The following NEDD4 variants were observed in gnomAD, a reference collection of about 807,000 sequenced individuals.
The protein encoded by NEDD4 is NEDD4 E3 ubiquitin protein ligase.
Under a neutral mutation model 144.9 loss-of-function variants are expected in NEDD4, and 99 were observed. That is an observed-to-expected ratio of 0.68 (90% confidence interval 0.58 to 0.81). NEDD4 has a LOEUF of 0.81. Among genes scored for constraint, NEDD4 ranks in the 30% least tolerant of loss-of-function variants. The pLI is 0.00. For missense variants in NEDD4, 985 were observed against 1,065.9 expected (o/e 0.92, Z 1.06); for synonymous variants, 318 against 350.6 (o/e 0.91, Z 1.04).
intron 5 of NEDD4, chr15:55,916,190 TC>T: frequency 6.2e-7 from 1 of 1,613,986 alleles, no homozygotes; most frequent in East Asian, 2.2e-5. Context: ...TTGGCACACT[TC>T]TATTGGAGGT....
intron 27 of NEDD4, among the ~76,000 whole-genome samples, chr15:55,832,331 ACT>A (rs2141957241): frequency 6.6e-6 from 1 of 152,146 alleles, no homozygotes; most frequent in Admixed American, 6.6e-5. Flanking sequence ...TTCAACCATG[ACT>A]CTGTTTTTAT....
Position 55,924,681 on chromosome 15 carries a change from G to T in NEDD4, c.256C>A (p.Arg86=). Residue 86 remains arginine (R), a synonymous_variant, in exon 5 of 29, where the codon CGG becomes AGG. Transcript: ENST00000435532. ...TCGTCAAACACTTCAAAAAGAAGCC[G>T]GTGCTGCTGAGGATGAACCTAAGAA... The part of the protein sequence containing the change: ...ILFRVHPQQH[R]LLFEVFDENR... 2.5e-6 allele frequency: 4 copies of T among 1,609,762 alleles called. No homozygotes were observed. The highest frequency in any genetic ancestry group is 3.4e-6 in the Non-Finnish European group (4 of 1,178,052).
At chr15:55,987,981 TTAAAG>T (rs2037921440) in intron 1 of NEDD4, 1 of 150,340 alleles carries the variant, frequency 6.7e-6, no homozygotes, top group South Asian at 2.1e-4. Flanking sequence ...CATATGAACT[TTAAAG>T]TAGTTTTTTC....
chr15:55,848,237 G>T, intron 17 of NEDD4, 135 bp downstream of exon 17: 1 of 789,610 alleles, frequency 1.3e-6, no homozygotes, highest in South Asian at 1.5e-5. Flanking sequence ...CTTGGAGTAT[G>T]GGAAATGGGG....
At chr15:55,837,643 A>C in intron 24 of NEDD4, 146 bp downstream of exon 24, 1 of 542,612 alleles carries the variant, frequency 1.8e-6, no homozygotes, top group Admixed American at 3.4e-5. Flanking sequence ...TGAATGGAAT[A>C]TTTAGTTAAT....
At chr15:55,888,966 C>T (rs1379875847) in intron 5 of NEDD4, among the ~76,000 whole-genome samples, 1 of 152,170 alleles carries the variant, frequency 6.6e-6, no homozygotes, top group Non-Finnish European at 1.5e-5. Flanking sequence ...GGATTAAACA[C>T]TTACATCTAA....
At chr15:55,850,834 T>C (rs1292187034) in intron 13 of NEDD4, 92 bp from the exon 14 acceptor site, 2 of 1,063,098 alleles carry the variant, frequency 1.9e-6, no homozygotes, top group East Asian at 2.6e-5. Context: ...GCAAATAGAA[T>C]ACACACCCTC....
chr15:55,902,872 G>A (rs1299255372), intron 5 of NEDD4, among the ~76,000 whole-genome samples: 1 of 152,080 alleles, frequency 6.6e-6, no homozygotes. Context: ...ATGGTGGCAG[G>A]TGCCTGTAAT....
At chr15:55,897,709 T>C (rs1226927286) in intron 5 of NEDD4, among the ~76,000 whole-genome samples, 1 of 152,214 alleles carries the variant, frequency 6.6e-6, no homozygotes, top group African/African-American at 2.4e-5. Context: ...TCCCTGCCCA[T>C]GTGTCCTCCT....
chr15:55,933,659 G>A (rs72734319), intron 4 of NEDD4, among the ~76,000 whole-genome samples: 21,818 of 151,612 alleles, frequency 0.14, 1,779 homozygotes, highest in East Asian at 0.32. Flanking sequence ...CGTTGTGTAC[G>A]TGTACCCTAG....
Position 55,993,535 on chromosome 15 carries a change from C to T in NEDD4, c.21G>A (p.Glu7=), listed in dbSNP as rs1374787968. 2 of 1,597,462 alleles carry T rather than the reference C, an allele frequency of 1.3e-6. No individual in the cohort carries two copies. Among genetic ancestry groups the T allele is most frequent in the African/African-American group, 2.7e-5 (2 of 73,036 alleles). The stretch of plus-strand genomic sequence containing the variant: ...CCTCGTCCTCCAGGAGCCCGAACAC[C>T]TCCACCGCGCAAGTTGCCATTTCCG... MATCAV[E]VFGLLEDEEN... is the part of the protein sequence containing the mutation. Residue 7 remains glutamate (E), a synonymous_variant, in exon 1 of 29, where the codon GAG becomes GAA. Coordinates refer to ENST00000435532, the MANE Select transcript of NEDD4 (RefSeq NM_006154.4).
At chr15:55,972,876 AAAGAGACAAAAAAGGTTATTACACAATG>A (rs2037634457) in intron 1 of NEDD4, among the ~76,000 whole-genome samples, 1 of 152,228 alleles carries the variant, frequency 6.6e-6, no homozygotes, top group Non-Finnish European at 1.5e-5. Context: ...AAAACTAAAA[AAAGAGACAAAAAAGGTTATTACACAATG>A]ATAAAGGCAT....
chr15:55,923,639 C>T (rs1172118455), intron 5 of NEDD4, among the ~76,000 whole-genome samples: 1 of 115,590 alleles, frequency 8.7e-6, no homozygotes, highest in Non-Finnish European at 1.7e-5. Context: ...AAGCGAGACT[C>T]CATCTCAAAA....
chr15:55,901,702 GGATTCATAATTACATATAT>G (rs2035919442), intron 5 of NEDD4, among the ~76,000 whole-genome samples: 2 of 151,704 alleles, frequency 1.3e-5, no homozygotes, highest in African/African-American at 4.8e-5. Context: ...CTGTTCATGT[GGATTCATAATTACATATAT>G]GATTCCATTT....
intron 28 of NEDD4, among the ~76,000 whole-genome samples, 161 bp from the exon 29 acceptor site, chr15:55,830,160 C>A (rs189800710): frequency 7.0e-4 from 107 of 152,296 alleles, no homozygotes; most frequent in Admixed American, 1.1e-3. Context: ...GGGTTCTGGG[C>A]ATGGATACTC....
chr15:55,974,270 G>GTT (rs1264826398), intron 1 of NEDD4, among the ~76,000 whole-genome samples: 1 of 152,172 alleles, frequency 6.6e-6, no homozygotes, highest in Non-Finnish European at 1.5e-5. Context: ...GGTTGAAGCT[G>GTT]TAGTAAAGTC....
At chr15:55,877,378 A>AT (rs377369914) in intron 5 of NEDD4, among the ~76,000 whole-genome samples, 1 of 152,136 alleles carries the variant, frequency 6.6e-6, no homozygotes, top group African/African-American at 2.4e-5. Flanking sequence ...TAGATTATGC[A>AT]TTTTTTGCAA....
chr15:55,965,286 C>A (rs2037493298), intron 2 of NEDD4, among the ~76,000 whole-genome samples: 1 of 152,158 alleles, frequency 6.6e-6, no homozygotes, highest in Admixed American at 6.5e-5. Context: ...GCAGCAGCCT[C>A]AACCACCCAG....
intron 2 of NEDD4, among the ~76,000 whole-genome samples, chr15:55,957,302 A>G (rs539784274): frequency 5.9e-5 from 9 of 152,280 alleles, no homozygotes; most frequent in Non-Finnish European, 1.0e-4. Context: ...TTGCCATACT[A>G]CATGGCTAAA....
Sources: gnomAD v4.1 joint callset for allele counts (sites outside exome capture counted in the v4.1 genomes callset) on GRCh38, gnomAD v4.1.1 for gene constraint, MANE v1.5 for transcripts, NCBI Gene and HGNC (gene_info 2026-07-23, HGNC 2026-07-21) for gene names.